Variants in GALNT14 observed in about 807,000 individuals in gnomAD.
GALNT14 encodes the protein UDP-GalNAc:polypeptide N-acetylgalactosaminyltransferase 14.
GALNT14 carries 60 observed loss-of-function variants against 77.5 expected under a neutral mutation model. The ratio of observed to expected loss-of-function variants is 0.77; its 90% CI spans 0.63 to 0.96. The LOEUF (loss-of-function observed/expected upper bound fraction) is 0.96, where lower values mean the gene tolerates loss of function less well. Among genes scored for constraint, GALNT14 ranks in the 40% least tolerant of loss-of-function variants. The probability of loss-of-function intolerance (pLI) is 0.00; values close to 1 mark genes in which losing one functional copy is unlikely to be tolerated. For missense variants in GALNT14, 710 were observed against 731.0 expected (o/e 0.97, Z 0.33); for synonymous variants, 280 against 281.7 (o/e 0.99, Z 0.06).
chr2:30,911,316 A>T (rs1465917309), intron 14 of GALNT14, among the ~76,000 whole-genome samples: 1 of 152,176 alleles, frequency 6.6e-6, no homozygotes, highest in Non-Finnish European at 1.5e-5. Context: ...ATAACTTTCC[A>T]AGCAGTAGCC....
In GALNT14 at chr2:31,016,968, G is replaced by A. The variant is rs533965804; in HGVS notation, c.130-23961C>T. Among the ~76,000 whole-genome samples the A allele has an allele frequency of 2.7e-4, 41 of 152,298 alleles. No homozygotes were observed. The Middle Eastern group carries it at 0.014, about 51-fold the overall frequency. On this transcript the variant is annotated intron_variant, in intron 1 of 14. Transcript: ENST00000349752. ...CAACATACCACGCTCTGTGCTGGAC[G>A]AACCGTACACATTATTCACTGAATC...
At chr2:30,954,811 G>C (rs925392226) in intron 6 of GALNT14, among the ~76,000 whole-genome samples, 5 of 152,180 alleles carry the variant, frequency 3.3e-5, no homozygotes, top group Admixed American at 3.3e-4. Context: ...GAAAACATCA[G>C]ACCTAGTGAT....
intron 1 of GALNT14, among the ~76,000 whole-genome samples, chr2:31,120,566 T>A (rs999866096): frequency 2.7e-5 from 4 of 149,718 alleles, no homozygotes; most frequent in African/African-American, 9.8e-5. Context: ...CATGAACACA[T>A]TTTTTTTTTA....
chr2:30,957,658 T>A (rs1667448073), intron 4 of GALNT14, among the ~76,000 whole-genome samples: 1 of 152,128 alleles, frequency 6.6e-6, no homozygotes, highest in Admixed American at 6.5e-5. Context: ...CAGACCGCAG[T>A]GTGGGGGTGG....
intron 1 of GALNT14, among the ~76,000 whole-genome samples, chr2:31,064,406 T>A (rs950565341): frequency 6.6e-6 from 1 of 152,186 alleles, no homozygotes; most frequent in Non-Finnish European, 1.5e-5. Context: ...CAGACCTCCC[T>A]CAGAGGCCTG....
At chr2:31,113,730 C>A (rs1277276907) in intron 1 of GALNT14, among the ~76,000 whole-genome samples, 1 of 151,950 alleles carries the variant, frequency 6.6e-6, no homozygotes, top group African/African-American at 2.4e-5. Flanking sequence ...TAGCCTCATG[C>A]ATTTTCAAGG....
At chr2:30,941,863 A>T (rs1439391623) in intron 9 of GALNT14, among the ~76,000 whole-genome samples, 1 of 152,170 alleles carries the variant, frequency 6.6e-6, no homozygotes, top group African/African-American at 2.4e-5. Flanking sequence ...TCAAGCCTGT[A>T]TCTGACCCCT....
chr2:30,983,729 C>A (rs577117132), intron 2 of GALNT14, among the ~76,000 whole-genome samples: 97 of 142,006 alleles, frequency 6.8e-4, no homozygotes, highest in Non-Finnish European at 1.3e-3. Flanking sequence ...AATTAGGAAA[C>A]CCAGAATCCT....
intron 1 of GALNT14, among the ~76,000 whole-genome samples, chr2:31,080,410 T>G (rs1191907427): frequency 6.6e-6 from 1 of 152,258 alleles, no homozygotes; most frequent in Non-Finnish European, 1.5e-5. Flanking sequence ...TACTCTATTT[T>G]TATTTGTTAA....
intron 1 of GALNT14, among the ~76,000 whole-genome samples, chr2:31,091,199 G>C (rs749397498): frequency 6.6e-6 from 1 of 152,164 alleles, no homozygotes; most frequent in Non-Finnish European, 1.5e-5. Flanking sequence ...GCAGGACAGG[G>C]GAGCTAGAAG....
At chr2:30,907,245 C>T (rs1011203740), downstream of GALNT14, among the ~76,000 whole-genome samples, 3 of 151,890 alleles carry the variant, frequency 2.0e-5, no homozygotes, top group African/African-American at 7.2e-5. Flanking sequence ...CACAAAAAAC[C>T]CTTCAAAAAA....
intron 1 of GALNT14, among the ~76,000 whole-genome samples, chr2:31,006,031 T>C (rs1443540085): frequency 1.3e-5 from 2 of 152,156 alleles, no homozygotes; most frequent in Non-Finnish European, 2.9e-5. Context: ...CCGAGGAACC[T>C]GGACTTCAGA....
chr2:31,078,215 T>A (rs994770988), intron 1 of GALNT14, among the ~76,000 whole-genome samples: 3 of 152,176 alleles, frequency 2.0e-5, no homozygotes, highest in African/African-American at 7.2e-5. Context: ...CTGAAAAGTA[T>A]CAGGCATAAG....
At chr2:31,086,570 A>C (rs1014644199) in intron 1 of GALNT14, among the ~76,000 whole-genome samples, 2 of 152,122 alleles carry the variant, frequency 1.3e-5, no homozygotes, top group African/African-American at 2.4e-5. Flanking sequence ...GAAAAAAAAA[A>C]ACCATAAAAG....
chr2:30,936,232 C>A (rs1666050683), intron 9 of GALNT14, among the ~76,000 whole-genome samples: 1 of 152,092 alleles, frequency 6.6e-6, no homozygotes, highest in South Asian at 2.1e-4. Context: ...TGCTTACCAC[C>A]CCTCCCAGGG....
chr2:30,950,275 AT>A (rs1666949442), intron 6 of GALNT14, among the ~76,000 whole-genome samples: 1 of 152,132 alleles, frequency 6.6e-6, no homozygotes, highest in South Asian at 2.1e-4. Flanking sequence ...AAATAAGCTT[AT>A]GTTTAAAAAA....
At chr2:30,897,292 C>G in the GALNT14 span, among the ~76,000 whole-genome samples, 3 of 152,120 alleles carry the variant, frequency 2.0e-5, no homozygotes, top group Non-Finnish European at 2.9e-5. Flanking sequence ...ATCCAAAGCT[C>G]CAGTGGGTCT....
intron 13 of GALNT14, among the ~76,000 whole-genome samples, chr2:30,923,503 T>C (rs973524902): frequency 6.6e-6 from 1 of 152,092 alleles, no homozygotes; most frequent in Non-Finnish European, 1.5e-5. Context: ...ATCAATCAAG[T>C]AAAGCACAGG....
intron 3 of GALNT14, among the ~76,000 whole-genome samples, chr2:30,960,334 A>G (rs1573040662): frequency 6.6e-6 from 1 of 152,220 alleles, no homozygotes; most frequent in African/African-American, 2.4e-5. Context: ...TTACGGCTGT[A>G]GCTTCTGCAT....
Sources: allele counts gnomAD v4.1 joint callset (sites outside exome capture counted in the v4.1 genomes callset), GRCh38; gene constraint gnomAD v4.1.1; transcripts MANE v1.5; gene names NCBI Gene and HGNC (gene_info 2026-07-23, HGNC 2026-07-21).